The following ACOXL variants were observed in gnomAD, a reference collection of about 807,000 sequenced individuals.
ACOXL encodes the protein acyl-coenzyme A oxidase-like protein.
ACOXL carries 70 observed loss-of-function variants against 71.9 expected under a neutral mutation model. The observed-to-expected ratio is 0.97, with a 90% CI of 0.80 to 1.19. The LOEUF (loss-of-function observed/expected upper bound fraction) is 1.19. Among genes scored for constraint, ACOXL ranks in the 50% most tolerant of loss-of-function variants. The pLI is 0.00. For missense variants in ACOXL, 703 were observed against 736.3 expected (o/e 0.95, Z 0.52); for synonymous variants, 253 against 281.6 (o/e 0.90, Z 1.02).
At chr2:110,743,249 A>G (rs151238517) in intron 1 of ACOXL, among the ~76,000 whole-genome samples, 44 of 152,264 alleles carry the variant, frequency 2.9e-4, no homozygotes, top group African/African-American at 9.9e-4. Flanking sequence ...CAATACTTCA[A>G]TTCTTTTTGT....
intron 10 of ACOXL, among the ~76,000 whole-genome samples, chr2:110,860,372 A>G (rs112900817): frequency 0.048 from 7,341 of 152,240 alleles, 322 homozygotes; most frequent in African/African-American, 0.11. Flanking sequence ...TGGCCTCCCA[A>G]AGTGCTGGGA....
chr2:111,065,704 A>T (rs1316391919), intron 16 of ACOXL, among the ~76,000 whole-genome samples: 1 of 152,250 alleles, frequency 6.6e-6, no homozygotes, highest in Non-Finnish European at 1.5e-5. Context: ...AGGGCAAAAG[A>T]TAAAAACAGG....
chr2:111,118,495 T>A lies in ACOXL; in HGVS notation c.*679T>A, dbSNP rs1466401510. ...TTTTACCATCTGACGCTGTAGTCTG[T>A]CCTTTAGAAGAGAATAGGTGAAAAG... On this transcript the variant is annotated 3_prime_UTR_variant, in exon 18 of 18. Transcript: ENST00000439055. Among the ~76,000 whole-genome samples the A allele has an allele frequency of 6.6e-6, 1 of 152,190 alleles. No homozygotes were observed. The highest frequency in any genetic ancestry group is 1.5e-5 in the Non-Finnish European group (1 of 68,038).
chr2:110,860,869 C>T (rs1693864063), intron 10 of ACOXL, among the ~76,000 whole-genome samples: 1 of 152,198 alleles, frequency 6.6e-6, no homozygotes, highest in Non-Finnish European at 1.5e-5. Flanking sequence ...AACACGGCCC[C>T]CTGTTATCCA....
Position 111,048,884 on chromosome 2 carries a change from A to G in ACOXL, c.1370-334A>G, listed in dbSNP as rs1375650143. On this transcript the variant is annotated intron_variant, in intron 15 of 17. Coordinates refer to ENST00000439055, the MANE Select transcript of ACOXL (RefSeq NM_001142807.4). ...AAGGCAGGTGGAGTCTTCTCAATGA[A>G]GGTCCCAGGAAATGGAGATAGAGTG... 2.0e-5 allele frequency among the ~76,000 whole-genome samples: 3 copies of G among 152,200 alleles called. No individual in the cohort carries two copies. In the East Asian group the frequency reaches 5.8e-4, roughly 29 times the overall value.
At chr2:110,812,000 G>C (rs1416487746) in intron 9 of ACOXL, among the ~76,000 whole-genome samples, 5 of 152,202 alleles carry the variant, frequency 3.3e-5, no homozygotes, top group African/African-American at 1.2e-4. Context: ...TCGTATGTAA[G>C]AAGTGGGGAG....
intron 14 of ACOXL, among the ~76,000 whole-genome samples, chr2:111,011,881 T>TAAAA (rs35965746): frequency 2.6e-3 from 298 of 112,532 alleles, no homozygotes; most frequent in East Asian, 0.012. Context: ...GAGACTCTGT[T>TAAAA]AAAAAAAAAA....
intron 10 of ACOXL, among the ~76,000 whole-genome samples, chr2:110,862,213 T>C (rs538795405): frequency 1.4e-4 from 22 of 152,264 alleles, no homozygotes; most frequent in African/African-American, 5.1e-4. Context: ...ACATGCGACA[T>C]TGGGAAAGCT....
intron 16 of ACOXL, among the ~76,000 whole-genome samples, chr2:111,052,260 T>C (rs71431136): frequency 0.082 from 12,543 of 152,178 alleles, 627 homozygotes; most frequent in Non-Finnish European, 0.11. Context: ...CCCACTCAGA[T>C]GAGCAAATTC....
chr2:111,076,348 C>T (rs1375968577), intron 16 of ACOXL, among the ~76,000 whole-genome samples: 1 of 152,044 alleles, frequency 6.6e-6, no homozygotes, highest in Non-Finnish European at 1.5e-5. Flanking sequence ...ATGTAATTCC[C>T]TCTTTATTCC....
chr2:111,115,784 C>A (rs2070308228), intron 17 of ACOXL, among the ~76,000 whole-genome samples: 1 of 152,246 alleles, frequency 6.6e-6, no homozygotes, highest in Admixed American at 6.5e-5. Context: ...CTCCTCTTCA[C>A]AGCCAGTTCA....
intron 3 of ACOXL, among the ~76,000 whole-genome samples, chr2:110,790,051 C>T (rs561803176): frequency 6.6e-6 from 1 of 152,334 alleles, no homozygotes; most frequent in East Asian, 1.9e-4. Flanking sequence ...GCTTTCTCCT[C>T]CCTAAAGATG....
intron 14 of ACOXL, among the ~76,000 whole-genome samples, chr2:111,027,877 C>T (rs898801191): frequency 9.2e-5 from 14 of 152,094 alleles, no homozygotes; most frequent in Non-Finnish European, 1.5e-4. Context: ...TCCTATTTCT[C>T]TAACAGCTTT....
intron 12 of ACOXL, among the ~76,000 whole-genome samples, chr2:110,939,407 A>T (rs2060786919): frequency 6.6e-6 from 1 of 152,142 alleles, no homozygotes; most frequent in East Asian, 1.9e-4. Context: ...GGGTGTGTGT[A>T]TTTGAAATTT....
intron 12 of ACOXL, among the ~76,000 whole-genome samples, chr2:110,959,739 A>T (rs2149442721): frequency 6.6e-6 from 1 of 152,250 alleles, no homozygotes; most frequent in South Asian, 2.1e-4. Context: ...AGCATTCAGC[A>T]CCCCAGGCTA....
At chr2:110,848,034 A>C (rs1692133637) in intron 10 of ACOXL, among the ~76,000 whole-genome samples, 1 of 152,234 alleles carries the variant, frequency 6.6e-6, no homozygotes, top group Admixed American at 6.5e-5. Context: ...AGCAGCATCA[A>C]TGAGCAAATG....
intron 16 of ACOXL, among the ~76,000 whole-genome samples, chr2:111,072,375 G>A (rs1363397274): frequency 2.6e-5 from 4 of 151,980 alleles, no homozygotes; most frequent in Admixed American, 6.6e-5. Flanking sequence ...CATTCACTCC[G>A]CATGATGTCT....
intron 1 of ACOXL, among the ~76,000 whole-genome samples, chr2:110,734,054 C>T (rs1378244403): frequency 6.6e-6 from 1 of 152,112 alleles, no homozygotes; most frequent in East Asian, 1.9e-4. Flanking sequence ...TCTATTAAGA[C>T]AGACAGTAAA....
At chr2:110,945,143 C>T (rs981254434) in intron 12 of ACOXL, among the ~76,000 whole-genome samples, 1 of 152,144 alleles carries the variant, frequency 6.6e-6, no homozygotes, top group Non-Finnish European at 1.5e-5. Context: ...GCATGTATGT[C>T]TTCTTTGAAA....
Sources: allele counts gnomAD v4.1 joint callset (sites outside exome capture counted in the v4.1 genomes callset), GRCh38; gene constraint gnomAD v4.1.1; transcripts MANE v1.5; gene names NCBI Gene and HGNC (gene_info 2026-07-23, HGNC 2026-07-21).